The following ARHGEF26 variants were observed in gnomAD, a reference collection of about 807,000 sequenced individuals.
ARHGEF26 encodes Rho guanine nucleotide exchange factor 26, also known as Rho guanine nucleotide exchange factor (GEF) 26.
In ARHGEF26, 59 loss-of-function variants were observed where a neutral mutation model predicts 89.4. The ratio of observed to expected loss-of-function variants is 0.66; its 90% CI spans 0.54 to 0.82. The LOEUF (loss-of-function observed/expected upper bound fraction) is 0.82. Among genes scored for constraint, ARHGEF26 ranks in the 40% least tolerant of loss-of-function variants. The pLI, the probability that ARHGEF26 is intolerant of heterozygous loss-of-function variation, is 0.00. For missense variants in ARHGEF26, 1,234 were observed against 1,085.6 expected (o/e 1.14, Z -1.92); for synonymous variants, 500 against 428.4 (o/e 1.17, Z -2.06).
chr3:154,131,007 A>G (rs1308991661), intron 4 of ARHGEF26, among the ~76,000 whole-genome samples: 1 of 152,140 alleles, frequency 6.6e-6, no homozygotes, highest in East Asian at 1.9e-4. Context: ...TCAATACACC[A>G]AGCGCTTTCT....
intron 6 of ARHGEF26, among the ~76,000 whole-genome samples, chr3:154,167,532 CA>C (rs1237408066): frequency 1.3e-5 from 2 of 152,250 alleles, no homozygotes; most frequent in East Asian, 3.9e-4. Context: ...CCATACTAGT[CA>C]CATGTTAATT....
At chr3:154,182,265 C>A (rs1019006067) in intron 6 of ARHGEF26, among the ~76,000 whole-genome samples, 10 of 152,070 alleles carry the variant, frequency 6.6e-5, no homozygotes, top group African/African-American at 2.4e-4. Context: ...TAGCCTATCC[C>A]AGCAGGTTCA....
chr3:154,218,096 C>G, intron 10 of ARHGEF26, 138 bp downstream of exon 10: 1 of 750,832 alleles, frequency 1.3e-6, no homozygotes. Context: ...GTAGCAGATG[C>G]TTCAGGCAAT....
chr3:154,129,782 G>C (rs1200504372), intron 4 of ARHGEF26, 63 bp downstream of exon 4: 27 of 1,528,184 alleles, frequency 1.8e-5, no homozygotes, highest in Non-Finnish European at 1.1e-5. Flanking sequence ...AATTATGTGT[G>C]GATTTGGCTT....
intron 9 of ARHGEF26, among the ~76,000 whole-genome samples, chr3:154,201,973 T>C (rs1378213800): frequency 6.6e-6 from 1 of 152,008 alleles, no homozygotes; most frequent in Non-Finnish European, 1.5e-5. Flanking sequence ...ACTCTGATGG[T>C]AGTTTCTTTT....
chr3:154,239,249 CGA>C (rs377530456), intron 11 of ARHGEF26, among the ~76,000 whole-genome samples: 31,043 of 56,928 alleles, frequency 0.55, 7,935 homozygotes, highest in South Asian at 0.66. Flanking sequence ...TGTAAATGAC[CGA>C]GAGAGAGAGG....
At chr3:154,250,962 TAGAG>T (rs10535573) in intron 12 of ARHGEF26, among the ~76,000 whole-genome samples, 91 of 148,758 alleles carry the variant, frequency 6.1e-4, no homozygotes, top group Admixed American at 8.7e-4. Context: ...TGTCCTGTAT[TAGAG>T]AGAGAGAGAG....
intron 2 of ARHGEF26, 63 bp from the exon 3 acceptor site, chr3:154,124,347 C>T: frequency 9.3e-7 from 1 of 1,070,170 alleles, no homozygotes; most frequent in Non-Finnish European, 1.3e-6. Context: ...TTCTATTTGG[C>T]TCATTCATAC....
At chr3:154,140,024 C>T (rs373567064) in intron 4 of ARHGEF26, among the ~76,000 whole-genome samples, 1 of 152,148 alleles carries the variant, frequency 6.6e-6, no homozygotes. Flanking sequence ...GGTTAGAAAC[C>T]CTGCTTCTGG....
Position 154,177,929 on chromosome 3 carries a change from A to G in ARHGEF26, c.1488-9756A>G, listed in dbSNP as rs185035563. On this transcript the variant is annotated intron_variant, in intron 6 of 14. Transcript: ENST00000465093. ...ATTAAAAGGGCTTTATTGGCCAGGT[A>G]CAGTGGCTCACACCTGTAACAATCC... Among the ~76,000 whole-genome samples, 12 of 152,290 alleles carry G rather than the reference A, an allele frequency of 7.9e-5. No individual in the cohort carries two copies. In the East Asian group the frequency reaches 1.9e-3, roughly 25 times the overall value.
At chr3:154,149,868 C>G (rs186739296) in intron 5 of ARHGEF26, among the ~76,000 whole-genome samples, 1 of 151,054 alleles carries the variant, frequency 6.6e-6, no homozygotes, top group African/African-American at 2.4e-5. Flanking sequence ...GTCTCTGAAC[C>G]CTTTTTGCAA....
chr3:154,183,669 CTTAA>C (rs1340527052), intron 6 of ARHGEF26, among the ~76,000 whole-genome samples: 1 of 152,130 alleles, frequency 6.6e-6, no homozygotes, highest in Non-Finnish European at 1.5e-5. Flanking sequence ...TAAATTATGT[CTTAA>C]TTATGTCAAT....
chr3:154,245,524 C>T (rs910408270), intron 12 of ARHGEF26, among the ~76,000 whole-genome samples: 90 of 152,174 alleles, frequency 5.9e-4, no homozygotes, highest in Non-Finnish European at 1.2e-3. Flanking sequence ...CTCTTCAGGC[C>T]TCCTCAGATG....
Position 154,122,524 on chromosome 3 carries a change from C to G in ARHGEF26, c.532C>G (p.Leu178Val). 3 of 1,613,474 alleles carry G rather than the reference C, an allele frequency of 1.9e-6. No individual in the cohort carries two copies. Among genetic ancestry groups the G allele is most frequent in the Admixed American group, 1.7e-5 (1 of 60,020 alleles). Residue 178 changes from leucine to valine, a missense_variant, in exon 2 of 15, where the codon CTT (leucine) becomes GTT (valine). By Grantham distance (32) the Leu-to-Val change is conservative. Coordinates refer to ENST00000465093, the MANE Select transcript of ARHGEF26 (RefSeq NM_015595.4). ...SPVPSPTANGLAANNDSPGSG... is the reference protein window; with the variant it reads ...SPVPSPTANGVAANNDSPGSG... ...GGTGCCTTCGCCCACTGCAAATGGC[C>G]TTGCCGCTAATAACGACTCTCCTGG...
chr3:154,204,210 G>T (rs1185484628), intron 9 of ARHGEF26, among the ~76,000 whole-genome samples: 2 of 151,292 alleles, frequency 1.3e-5, no homozygotes, highest in African/African-American at 4.9e-5. Context: ...ATTTCTTCTT[G>T]GTTCAATCTT....
At chr3:154,250,759 A>T (rs1329835010) in intron 12 of ARHGEF26, among the ~76,000 whole-genome samples, 1 of 152,342 alleles carries the variant, frequency 6.6e-6, no homozygotes, top group East Asian at 1.9e-4. Flanking sequence ...TCTCTTGGTG[A>T]GCAACACTTC....
chr3:154,235,226 C>T (rs1349032880), intron 11 of ARHGEF26, among the ~76,000 whole-genome samples: 1 of 151,980 alleles, frequency 6.6e-6, no homozygotes, highest in East Asian at 1.9e-4. Context: ...GAATTGGTAT[C>T]TTGATAATAT....
At chr3:154,252,048 C>T (rs1718191848) in intron 12 of ARHGEF26, among the ~76,000 whole-genome samples, 1 of 152,190 alleles carries the variant, frequency 6.6e-6, no homozygotes, top group African/African-American at 2.4e-5. Flanking sequence ...TGCGGTAAGT[C>T]ATCCTCTCTG....
chr3:154,143,852 T>A (rs1719530833), intron 4 of ARHGEF26, among the ~76,000 whole-genome samples: 1 of 152,256 alleles, frequency 6.6e-6, no homozygotes, highest in Admixed American at 6.5e-5. Flanking sequence ...CATGTATTTG[T>A]TAACCTCATT....
Sources: gnomAD v4.1 joint callset for allele counts (sites outside exome capture counted in the v4.1 genomes callset) on GRCh38, gnomAD v4.1.1 for gene constraint, MANE v1.5 for transcripts, NCBI Gene and HGNC (gene_info 2026-07-23, HGNC 2026-07-21) for gene names.